The following KLHL21 variants were observed in gnomAD, a reference collection of about 807,000 sequenced individuals.
KLHL21 encodes the protein kelch like family member 21, also known as kelch-like protein 21.
A neutral mutation model predicts 44.1 loss-of-function variants in KLHL21; 42 were observed. The observed-to-expected ratio is 0.95, with a 90% CI of 0.74 to 1.23. The LOEUF is 1.23. Ranked by LOEUF, KLHL21 falls within the 50% of genes most tolerant of loss-of-function variation. The pLI is 0.00. For missense variants in KLHL21, 918 were observed against 889.1 expected (o/e 1.03, Z -0.41); for synonymous variants, 524 against 411.6 (o/e 1.27, Z -3.31).
chr1:6,590,877 G>A lies in KLHL21; in HGVS notation c.*2488C>T, dbSNP rs1017516882. 2 of 398,562 alleles carry A rather than the reference G, an allele frequency of 5.0e-6. No homozygotes were observed. Among genetic ancestry groups the A allele is most frequent in the Non-Finnish European group, 8.8e-6 (2 of 226,020 alleles). The allele number at this position is 398,562 out of a possible 1,614,324, so 24.7% of individuals were successfully genotyped here. On this transcript the variant is annotated 3_prime_UTR_variant, in exon 4 of 4. Transcript: ENST00000377658. ...ACTGGATGTGGACACTGGAGGGAGG[G>A]CGTCCTTTATTACATACGCGTCTCT...
chr1:6,602,380 C>T lies in KLHL21; in HGVS notation c.438G>A (p.Glu146=). 2 of 1,590,396 alleles carry T rather than the reference C, an allele frequency of 1.3e-6. No individual in the cohort carries two copies. The highest frequency in any genetic ancestry group is 1.7e-6 in the Non-Finnish European group (2 of 1,172,388). The change falls in exon 1 of 4, where the codon GAG becomes GAA. Residue 146 remains glutamate (E), a synonymous_variant. Transcript: ENST00000377658. ...ANCLDMQDFA[E]AFSCSGLASA... ...TCGCCAGTCCCGAGCAGCTGAAGGCCTCAGCGAAGTCCTGCATGTCCAGGC... is the reference window on the plus strand; with the variant it reads ...TCGCCAGTCCCGAGCAGCTGAAGGCTTCAGCGAAGTCCTGCATGTCCAGGC...
rs552109636 is a variant in KLHL21 at position 6,592,064 on chromosome 1, G to A, written c.*1301C>T. 1.3e-5 allele frequency: 2 copies of A among 152,398 alleles called. No individual in the cohort carries two copies. The highest frequency in any genetic ancestry group is 4.8e-5 in the African/African-American group (2 of 41,588). The allele number at this position is 152,398 out of a possible 1,614,324, so 9.4% of individuals were successfully genotyped here. A position where few individuals can be genotyped will look rare whatever the true frequency, so the allele number is the denominator to read the frequency against. ...GGACTGGGCTCTTGAGGAGCACGAG[G>A]GAGAGGCCAGGCAGCCCTGTCAGGG... On this transcript the variant is annotated 3_prime_UTR_variant, in exon 4 of 4. Transcript: ENST00000377658.
intron 3 of KLHL21, 193 bp from the exon 4 acceptor site, chr1:6,593,851 C>T (rs1640888481): frequency 7.3e-7 from 1 of 1,366,940 alleles, no homozygotes; most frequent in Non-Finnish European, 9.4e-7. Flanking sequence ...CCGGAGGCAG[C>T]TGGGCCTTCC....
chr1:6,595,363 TATTA>T (rs770374265), intron 3 of KLHL21, 118 bp downstream of exon 3: 3 of 862,994 alleles, frequency 3.5e-6, no homozygotes, highest in African/African-American at 1.7e-5. Context: ...AGCAGCCTTC[TATTA>T]ATTGAGATGA....
At chr1:6,601,097 C>A (rs1454975648) in intron 1 of KLHL21, among the ~76,000 whole-genome samples, 1 of 152,164 alleles carries the variant, frequency 6.6e-6, no homozygotes. Context: ...TTCCTCACCC[C>A]GACAAAGGAG....
In KLHL21 at chr1:6,598,957, G is replaced by A. The variant is rs188179392; in HGVS notation, c.1427+90C>T. On this transcript the variant is annotated intron_variant, in intron 2 of 3. Coordinates refer to ENST00000377658, the MANE Select transcript of KLHL21 (RefSeq NM_014851.4). The stretch of plus-strand genomic sequence containing the variant: ...AGCTAGGCCTCAGTTTCTCATCTGT[G>A]GAAAAGGGAGAACAGCCATGATGTG... The A allele has an allele frequency of 1.1e-3, 1,386 of 1,318,656 alleles. 21 individuals carry two copies. In the African/African-American group the frequency reaches 0.019, roughly 18 times the overall value. The allele number at this position is 1,318,656 out of a possible 1,614,324, so 81.7% of individuals were successfully genotyped here. A position where few individuals can be genotyped will look rare whatever the true frequency, so the allele number is the denominator to read the frequency against.
In KLHL21 at chr1:6,599,262, G is replaced by T. The variant is rs368398322; in HGVS notation, c.1212C>A (p.Ala404=). The T allele has an allele frequency of 1.2e-6, 2 of 1,614,058 alleles. No homozygotes were observed. The highest frequency in any genetic ancestry group is 1.7e-6 in the Non-Finnish European group (2 of 1,180,004). ...CCATGGGGTAGGTCATGGGCTGCAG[G>T]GCCTCCCAGGAGTCAGTGGTGTGGT... is the stretch of plus-strand genomic sequence containing the variant. ...RYDHTTDSWE[A]LQPMTYPMDN... The change falls in exon 2 of 4, where the codon GCC becomes GCA. Residue 404 remains alanine, a synonymous_variant. Transcript: ENST00000377658.
chr1:6,600,053 T>C (rs944236577), intron 1 of KLHL21, among the ~76,000 whole-genome samples: 3 of 151,960 alleles, frequency 2.0e-5, no homozygotes, highest in Non-Finnish European at 4.4e-5. Flanking sequence ...TGTATTATTA[T>C]TATTATTTTT....
Position 6,593,301 on chromosome 1 carries a change from TG to T in KLHL21, c.*63del. On this transcript the variant is annotated 3_prime_UTR_variant, in exon 4 of 4. Coordinates refer to ENST00000377658, the MANE Select transcript of KLHL21 (RefSeq NM_014851.4). The stretch of plus-strand genomic sequence containing the variant: ...CAACGTGTCCTTGTGCACAAAGGAG[TG>T]GGGCACTGCCCCGCAGAGGTGCCAG... 1 of 1,461,534 alleles carries T rather than the reference TG, an allele frequency of 6.8e-7. No homozygotes were observed. Among genetic ancestry groups the T allele is most frequent in the Non-Finnish European group, 9.2e-7 (1 of 1,091,158 alleles). The allele number at this position is 1,461,534 out of a possible 1,614,324, so 90.5% of individuals were successfully genotyped here.
Position 6,602,488 on chromosome 1 carries a change from C to T in KLHL21, c.330G>A (p.Leu110=), listed in dbSNP as rs1315877404. 2 of 1,554,826 alleles carry T rather than the reference C, an allele frequency of 1.3e-6. No individual in the cohort carries two copies. The highest frequency in any genetic ancestry group is 2.4e-5 in the East Asian group (1 of 41,762). ...AVSGDNAEPL[L]RAADLLQFPA... is the part of the protein sequence containing the mutation. ...GGAACTGCAGCAGGTCGGCGGCGCGCAGCAGCGGCTCAGCGTTGTCGCCGC... is the reference window on the plus strand; with the variant it reads ...GGAACTGCAGCAGGTCGGCGGCGCGTAGCAGCGGCTCAGCGTTGTCGCCGC... The change falls in exon 1 of 4, where the codon CTG becomes CTA. Residue 110 remains leucine (L), a synonymous_variant. Coordinates refer to ENST00000377658, the MANE Select transcript of KLHL21 (RefSeq NM_014851.4).
At chr1:6,594,704 T>TA (rs878994294) in intron 3 of KLHL21, 93 of 132,776 alleles carry the variant, frequency 7.0e-4, no homozygotes, top group South Asian at 2.1e-3. Context: ...AGACTCCGTA[T>TA]AAAAAAAAAA....
chr1:6,599,358 G>C lies in KLHL21; in HGVS notation c.1116C>G (p.Arg372=), dbSNP rs200887044. ...CCAGCACAGAGGAGCTGTGGTACTC[G>C]CGGGCCTTCAGCATGGGCGCCACCT... ...WAEVAPMLKA[R]EYHSSSVLDG... The change falls in exon 2 of 4, where the codon CGC becomes CGG. Residue 372 remains arginine (R), a synonymous_variant. Transcript: ENST00000377658. 6.2e-7 allele frequency: 1 copy of C among 1,613,804 alleles called. No homozygotes were observed. Among genetic ancestry groups the C allele is most frequent in the Non-Finnish European group, 8.5e-7 (1 of 1,180,018 alleles).
Position 6,601,897 on chromosome 1 carries a change from G to T in KLHL21, c.921C>A (p.Tyr307Ter). The T allele has an allele frequency of 6.4e-7, 1 of 1,567,510 alleles. No homozygotes were observed. Reference protein sequence around the residue: ...DCDELVTVDCYNPQTGQWRYL... With the variant: ...DCDELVTVDC ...AGCGCCACTGACCCGTCTGCGGGTT[G>T]TAGCAGTCGACAGTGACCAGCTCGT... The change falls in exon 1 of 4, where the codon TAC becomes TAA. Residue 307 changes from tyrosine to a stop codon, truncating the protein, a stop_gained. Transcript: ENST00000377658. LOFTEE classifies it high-confidence loss of function.
At chr1:6,596,558 C>G (rs934583006) in intron 2 of KLHL21, among the ~76,000 whole-genome samples, 4 of 152,248 alleles carry the variant, frequency 2.6e-5, no homozygotes, top group African/African-American at 9.6e-5. Flanking sequence ...GCCAAGAAAA[C>G]TATCCATGGA....
At position 6,602,775 on chromosome 1, in the gene KLHL21, G is replaced by T. The variant is rs774459165; in HGVS notation, c.43C>A (p.Pro15Thr). The change falls in exon 1 of 4, where the codon CCC becomes ACC. Residue 15 changes from proline (P) to threonine (T), a missense_variant. Physicochemically the swap from Pro to Thr is conservative, Grantham distance 38 (BLOSUM62 -1). Transcript: ENST00000377658. ...APLAVLPFSD[P>T]AHALSLLRGL... ...CGCAGCAGGCTCAGGGCGTGCGCGG[G>T]GTCCGAGAAGGGAAGCACGGCCAGG... The T allele has an allele frequency of 1.4e-5, 20 of 1,481,088 alleles. No individual in the cohort carries two copies. In the East Asian group the frequency reaches 4.3e-4, roughly 32 times the overall value. 91.7% of individuals were successfully genotyped at this position (1,481,088 alleles called of 1,614,324 possible).
intron 1 of KLHL21, among the ~76,000 whole-genome samples, chr1:6,601,245 A>C (rs1034297597): frequency 2.6e-5 from 4 of 152,210 alleles, no homozygotes; most frequent in African/African-American, 9.6e-5. Context: ...ACCTCTTAAC[A>C]TGTGACCATG....
chr1:6,599,247 G>A lies in KLHL21; in HGVS notation c.1227C>T (p.Thr409=), dbSNP rs751824361. The change falls in exon 2 of 4, where the codon ACC becomes ACT. Residue 409 remains threonine, a synonymous_variant. Transcript: ENST00000377658. Reference sequence around the variant, plus strand: ...TGGTGGAGCAGTTGTCCATGGGGTAGGTCATGGGCTGCAGGGCCTCCCAGG... The same window carrying A: ...TGGTGGAGCAGTTGTCCATGGGGTAAGTCATGGGCTGCAGGGCCTCCCAGG... The part of the protein sequence containing the change: ...TDSWEALQPM[T]YPMDNCSTTA... 2 of 1,614,106 alleles carry A rather than the reference G, an allele frequency of 1.2e-6. No individual in the cohort carries two copies. Among genetic ancestry groups the A allele is most frequent in the Non-Finnish European group, 1.7e-6 (2 of 1,180,004 alleles).
Position 6,596,196 on chromosome 1 carries a change from C to T in KLHL21, c.1428-639G>A, listed in dbSNP as rs1330454917. The stretch of plus-strand genomic sequence containing the variant: ...GGTGGAGTGCCTGAGGTCAGGAGTT[C>T]GAGACCAGTCTGGCCAACACGATGA... On this transcript the variant is annotated intron_variant, in intron 2 of 3. Coordinates refer to ENST00000377658, the MANE Select transcript of KLHL21 (RefSeq NM_014851.4). Among the ~76,000 whole-genome samples, 6 of 152,294 alleles carry T rather than the reference C, an allele frequency of 3.9e-5. No individual in the cohort carries two copies. In the East Asian group the frequency reaches 1.2e-3, roughly 29 times the overall value.
intron 2 of KLHL21, 131 bp from the exon 3 acceptor site, chr1:6,595,688 A>G (rs1352402173): frequency 1.2e-5 from 9 of 745,366 alleles, no homozygotes; most frequent in Non-Finnish European, 2.2e-6. Context: ...GCCATCCAGC[A>G]GCACCCTTGC....
Sources: gnomAD v4.1 joint callset for allele counts (sites outside exome capture counted in the v4.1 genomes callset) on GRCh38, gnomAD v4.1.1 for gene constraint, MANE v1.5 for transcripts, NCBI Gene and HGNC (gene_info 2026-07-23, HGNC 2026-07-21) for gene names.